FHOD3: variants seen among roughly 807,000 people sequenced by gnomAD.
FHOD3 encodes FH1/FH2 domain-containing protein 3.
FHOD3 carries 90 observed loss-of-function variants against 173.0 expected under a neutral mutation model. The ratio of observed to expected loss-of-function variants is 0.52; its 90% CI spans 0.44 to 0.62. The LOEUF (loss-of-function observed/expected upper bound fraction) is 0.62. Among genes scored for constraint, FHOD3 ranks in the 20% least tolerant of loss-of-function variants. FHOD3 has a pLI of 0.00. For missense variants in FHOD3, 1,945 were observed against 2,034.7 expected, an observed-to-expected ratio of 0.96 and a Z score of 0.85; for synonymous variants, 828 against 823.0, an observed-to-expected ratio of 1.01 and a Z score of -0.10.
chr18:36,692,188 A>C (rs2039005842), intron 16 of FHOD3, among the ~76,000 whole-genome samples: 1 of 152,240 alleles, frequency 6.6e-6, no homozygotes, highest in Non-Finnish European at 1.5e-5. Context: ...CATGCTTTTT[A>C]AATGCATTGT....
intron 5 of FHOD3, among the ~76,000 whole-genome samples, chr18:36,518,248 C>T (rs567594524): frequency 1.6e-4 from 24 of 152,314 alleles, no homozygotes; most frequent in South Asian, 2.1e-4. Context: ...GTATTTTCCA[C>T]GGAACAACCT....
At chr18:36,584,991 T>G (rs1164364500) in intron 6 of FHOD3, among the ~76,000 whole-genome samples, 2 of 152,222 alleles carry the variant, frequency 1.3e-5, no homozygotes, top group African/African-American at 2.4e-5. Flanking sequence ...ATTTTTTAAA[T>G]TTTTCTTACA....
intron 15 of FHOD3, among the ~76,000 whole-genome samples, chr18:36,686,065 C>G (rs904569919): frequency 1.3e-5 from 2 of 151,960 alleles, no homozygotes; most frequent in African/African-American, 4.8e-5. Context: ...AGACCTAGAA[C>G]CAGAAATGCC....
intron 7 of FHOD3, 46 bp from the exon 8 acceptor site, chr18:36,602,628 A>G (rs1442396675): frequency 1.5e-6 from 2 of 1,330,470 alleles, no homozygotes; most frequent in Non-Finnish European, 2.2e-6. Flanking sequence ...TTAGATAAAG[A>G]ATGTTGATGA....
At chr18:36,748,387 AC>A (rs201508463) in intron 24 of FHOD3, among the ~76,000 whole-genome samples, 19 of 105,956 alleles carry the variant, frequency 1.8e-4, no homozygotes, top group African/African-American at 6.6e-4. Flanking sequence ...CACACAACAC[AC>A]ACACACACAC....
intron 3 of FHOD3, among the ~76,000 whole-genome samples, chr18:36,420,476 C>T (rs748192233): frequency 1.3e-5 from 2 of 152,342 alleles, no homozygotes; most frequent in East Asian, 1.9e-4. Context: ...CCTGGTGATG[C>T]ACCAGTGTCT....
Position 36,760,644 on chromosome 18 carries a change from A to G in FHOD3, c.4486A>G (p.Ser1496Gly). 3.1e-6 allele frequency: 5 copies of G among 1,594,406 alleles called. No homozygotes were observed. The highest frequency in any genetic ancestry group is 1.1e-5 in the South Asian group (1 of 89,100). Residue 1496 changes from serine (S) to glycine (G), a missense_variant, in exon 27 of 29, where the codon AGC becomes GGC. By Grantham distance (56) the Ser-to-Gly change is moderately conservative (BLOSUM62 0). Transcript: ENST00000590592. ...KFSGSSPAPP[S>G]QPQGLSYAED... ...CTCCGGCAGTTCTCCGGCGCCCCCA[A>G]GCCAGCCGCAGGGTCTGAGCTATGC...
chr18:36,341,789 C>T (rs550635991), intron 1 of FHOD3, among the ~76,000 whole-genome samples: 1 of 152,212 alleles, frequency 6.6e-6, no homozygotes, highest in South Asian at 2.1e-4. Flanking sequence ...TTGCAAGAAG[C>T]TAAGGAAAAT....
At chr18:36,591,575 A>C (rs1375114415) in intron 6 of FHOD3, among the ~76,000 whole-genome samples, 4 of 152,230 alleles carry the variant, frequency 2.6e-5, no homozygotes, top group African/African-American at 9.6e-5. Context: ...ACAGAGGCAT[A>C]TAGTAGGTGA....
chr18:36,307,853 A>G (rs918447486), intron 1 of FHOD3, among the ~76,000 whole-genome samples: 1 of 152,272 alleles, frequency 6.6e-6, no homozygotes. Context: ...AGAAATACAA[A>G]TCACTTTTCT....
chr18:36,598,313 C>T (rs1029517137), intron 7 of FHOD3, among the ~76,000 whole-genome samples: 4 of 152,094 alleles, frequency 2.6e-5, no homozygotes, highest in Non-Finnish European at 4.4e-5. Context: ...AAATAAACTC[C>T]CAGTCCTCAA....
intron 16 of FHOD3, among the ~76,000 whole-genome samples, chr18:36,687,748 G>A (rs773635654): frequency 5.9e-5 from 9 of 152,168 alleles, no homozygotes; most frequent in Non-Finnish European, 1.3e-4. Context: ...ATCAGTAAAT[G>A]AGTAAATGAA....
Position 36,365,961 on chromosome 18 carries a change from A to G in FHOD3, c.273-6719A>G, listed in dbSNP as rs575910849. Among the ~76,000 whole-genome samples the G allele has an allele frequency of 2.0e-5, 3 of 152,200 alleles. No individual in the cohort carries two copies. The South Asian group carries it at 6.2e-4, about 32-fold the overall frequency. ...TAGGTCCCTTTTCCCCAAGTGCACA[A>G]ACTTCACACTTTGGTTGTAGCACAT... On this transcript the variant is annotated intron_variant, in intron 2 of 28. Transcript: ENST00000590592.
chr18:36,360,205 G>A (rs1196704914), intron 2 of FHOD3, among the ~76,000 whole-genome samples: 3 of 152,232 alleles, frequency 2.0e-5, no homozygotes, highest in Non-Finnish European at 2.9e-5. Flanking sequence ...GGAAGGTGCA[G>A]CCAGGTGGGA....
chr18:36,741,670 C>T (rs1019180810), intron 21 of FHOD3, among the ~76,000 whole-genome samples: 1 of 152,046 alleles, frequency 6.6e-6, no homozygotes, highest in African/African-American at 2.4e-5. Context: ...ACTCAGGAGG[C>T]TGTGGCAGGA....
intron 3 of FHOD3, among the ~76,000 whole-genome samples, chr18:36,412,154 A>C (rs1426929616): frequency 1.3e-5 from 2 of 152,194 alleles, no homozygotes; most frequent in Non-Finnish European, 2.9e-5. Flanking sequence ...GCTCAGGGTC[A>C]TTGCTTTAGG....
At position 36,496,309 on chromosome 18, in the gene FHOD3, G is replaced by A. The variant is rs113477774; in HGVS notation, c.338-5623G>A. On this transcript the variant is annotated intron_variant, in intron 3 of 28. Coordinates refer to ENST00000590592, the MANE Select transcript of FHOD3 (RefSeq NM_001281740.3). ...CTGTCACATCAAAGTTGCTGGTTTG[G>A]GCATGATGTCTGACATAGTGAAATG... Among the ~76,000 whole-genome samples, 1,253 of 152,158 alleles carry A rather than the reference G, an allele frequency of 8.2e-3. 12 individuals carry two copies. Among genetic ancestry groups the A allele is most frequent in the Non-Finnish European group, 0.013 (869 of 67,996 alleles).
At chr18:36,771,544 T>C (rs1488230363) in intron 28 of FHOD3, among the ~76,000 whole-genome samples, 1 of 152,258 alleles carries the variant, frequency 6.6e-6, no homozygotes, top group African/African-American at 2.4e-5. Context: ...TAAATAGCTT[T>C]TGAAATGAAA....
intron 5 of FHOD3, among the ~76,000 whole-genome samples, chr18:36,542,897 T>A (rs1263926527): frequency 6.6e-6 from 1 of 152,190 alleles, no homozygotes; most frequent in African/African-American, 2.4e-5. Flanking sequence ...CATTTTTATG[T>A]ATCAACTCAG....
Sources: gnomAD v4.1 joint callset for allele counts (sites outside exome capture counted in the v4.1 genomes callset) on GRCh38, gnomAD v4.1.1 for gene constraint, MANE v1.5 for transcripts, NCBI Gene and HGNC (gene_info 2026-07-23, HGNC 2026-07-21) for gene names.